Variants in WDR44 observed in about 807,000 individuals in gnomAD.
WDR44 encodes the protein WD repeat domain 44, also known as WD repeat-containing protein 44.
In WDR44, 9 loss-of-function variants were observed where a neutral mutation model predicts 65.7. The observed-to-expected ratio is 0.14, with a 90% CI of 0.08 to 0.24. The LOEUF (loss-of-function observed/expected upper bound fraction) is 0.24. Ranked by LOEUF, WDR44 falls within the 10% of genes least tolerant of loss-of-function variation. The pLI, the probability that WDR44 is intolerant of heterozygous loss-of-function variation, is 1.00. For synonymous variants in WDR44, 220 were observed against 235.2 expected, an observed-to-expected ratio of 0.94 and a Z score of 0.59; for missense variants, 425 against 670.9, an observed-to-expected ratio of 0.63 and a Z score of 4.05.
chrX:118,408,095 G>A (rs2056982715), intron 10 of WDR44, among the ~76,000 whole-genome samples: 1 of 111,904 alleles, frequency 8.9e-6, no homozygotes, highest in Admixed American at 9.5e-5. Flanking sequence ...CATCGTAGTA[G>A]GCTCCAAATG....
At chrX:118,350,532 A>T (rs1465630714) in intron 1 of WDR44, among the ~76,000 whole-genome samples, 1 of 111,780 alleles carries the variant, frequency 8.9e-6, no homozygotes, top group Non-Finnish European at 1.9e-5. Context: ...GCTTGTATTG[A>T]TAAGCTTTTG....
intron 12 of WDR44, among the ~76,000 whole-genome samples, chrX:118,419,722 A>G (rs1012628943): frequency 8.9e-6 from 1 of 111,859 alleles, no homozygotes; most frequent in Non-Finnish European, 1.9e-5. Flanking sequence ...GCATCCCATT[A>G]TGTTTAAAAT....
intron 3 of WDR44, 90 bp from the exon 4 acceptor site, chrX:118,392,542 C>T: frequency 1.3e-6 from 1 of 742,858 alleles, no homozygotes; most frequent in Non-Finnish European, 2.0e-6. Context: ...CATTGCCTGG[C>T]ACATACTAAG....
intron 1 of WDR44, among the ~76,000 whole-genome samples, chrX:118,369,760 T>C (rs1322847841): frequency 5.4e-5 from 6 of 111,939 alleles, no homozygotes; most frequent in Non-Finnish European, 1.1e-4. Flanking sequence ...GGCTACCACG[T>C]CCAGCCGAAA....
At chrX:118,382,636 T>G (rs1273536407) in intron 2 of WDR44, among the ~76,000 whole-genome samples, 1 of 90,615 alleles carries the variant, frequency 1.1e-5, no homozygotes, top group African/African-American at 4.1e-5. Context: ...GTAGATCACT[T>G]TCATACAAAT....
At chrX:118,352,352 A>ATATATATCTTTTT (rs1357425730) in intron 1 of WDR44, among the ~76,000 whole-genome samples, 1 of 14,224 alleles carries the variant, frequency 7.0e-5, no homozygotes, top group African/African-American at 3.7e-4. Flanking sequence ...ATATATATAT[A>ATATATATCTTTTT]TTTTTTTTTT....
intron 1 of WDR44, among the ~76,000 whole-genome samples, chrX:118,349,234 ATTTTCTTTTTTC>A (rs1467357637): frequency 1.0e-5 from 1 of 99,691 alleles, no homozygotes; most frequent in African/African-American, 3.7e-5. Flanking sequence ...GGTTTTCTTT[ATTTTCTTTTTTC>A]TTTTCTTTTT....
In WDR44 at chrX:118,392,629, C is replaced by T; in HGVS notation, c.187-3C>T. 8.5e-7 allele frequency: 1 copy of T among 1,177,898 alleles called. No individual in the cohort carries two copies. Among genetic ancestry groups the T allele is most frequent in the Non-Finnish European group, 1.1e-6 (1 of 877,226 alleles). Reference sequence around the variant, plus strand: ...TAAAAACTACTTTTAACCCTTTCATCAGATTATTGAAAGTATTATTGAGGA... The same window carrying T: ...TAAAAACTACTTTTAACCCTTTCATTAGATTATTGAAAGTATTATTGAGGA... On this transcript the variant is annotated splice_region_variant and splice_polypyrimidine_tract_variant and intron_variant, in intron 3 of 19. Coordinates refer to ENST00000254029, the MANE Select transcript of WDR44 (RefSeq NM_019045.5).
intron 2 of WDR44, chrX:118,386,574 A>G (rs750411249): frequency 3.6e-5 from 11 of 306,934 alleles, no homozygotes; most frequent in Non-Finnish European, 6.7e-5. Context: ...TAAGAAAACT[A>G]TTCCCTGAAT....
intron 12 of WDR44, among the ~76,000 whole-genome samples, chrX:118,412,777 G>A (rs1471587784): frequency 1.8e-5 from 2 of 111,390 alleles, no homozygotes; most frequent in Non-Finnish European, 3.8e-5. Context: ...GTTCTTTAGT[G>A]ATTTTGGTGC....
intron 12 of WDR44, among the ~76,000 whole-genome samples, chrX:118,420,046 C>T (rs181802757): frequency 3.7e-5 from 4 of 109,446 alleles, no homozygotes; most frequent in Non-Finnish European, 7.6e-5. Flanking sequence ...GCCACTCTAC[C>T]CCCACCCACA....
At chrX:118,378,034 G>A (rs2056678130) in intron 1 of WDR44, among the ~76,000 whole-genome samples, 2 of 110,251 alleles carry the variant, frequency 1.8e-5, no homozygotes, top group African/African-American at 3.3e-5. Flanking sequence ...TCGGCTCACT[G>A]AAACCTCCGC....
chrX:118,419,971 T>G (rs944531844), intron 12 of WDR44, among the ~76,000 whole-genome samples: 1 of 111,654 alleles, frequency 9.0e-6, no homozygotes, highest in Non-Finnish European at 1.9e-5. Context: ...CCTTTTTAAC[T>G]CAATCAAAAA....
intron 19 of WDR44, among the ~76,000 whole-genome samples, chrX:118,446,463 A>G (rs2057347403): frequency 8.9e-6 from 1 of 111,908 alleles, no homozygotes; most frequent in Admixed American, 9.6e-5. Flanking sequence ...CGATTGCATA[A>G]TAGTTTATTG....
chrX:118,346,175 T>G lies in WDR44; in HGVS notation c.-329T>G, dbSNP rs753543613. The G allele has an allele frequency of 3.7e-4, 113 of 302,686 alleles. 2 individuals are homozygous for G. Among genetic ancestry groups the G allele is most frequent in the African/African-American group, 2.6e-3 (94 of 36,486 alleles). The allele number at this position is 302,686 out of a possible 1,213,427, so 24.9% of individuals were successfully genotyped here. On this transcript the variant is annotated 5_prime_UTR_variant, in exon 1 of 20. Transcript: ENST00000254029. ...GCTGCGGGAGAAACTGGAGCCGCTG[T>G]AGCCGGCGCGCCCTTCTTCCCTTAC...
chrX:118,448,736 TGAAA>T (rs1175334092), intron 19 of WDR44, among the ~76,000 whole-genome samples, 153 bp from the exon 20 acceptor site: 1 of 111,394 alleles, frequency 9.0e-6, no homozygotes, highest in Non-Finnish European at 1.9e-5. Context: ...TTCAGCAGAA[TGAAA>T]GAATTACAGG....
In WDR44 at chrX:118,392,923, A is replaced by G; in HGVS notation, c.478A>G (p.Thr160Ala). ...AGATGAAACCACGAAGTTAACTCAAACAAGTTCAACTGAGCAGCTTAATGT... is the reference window on the plus strand; with the variant it reads ...AGATGAAACCACGAAGTTAACTCAAGCAAGTTCAACTGAGCAGCTTAATGT... Reference protein sequence around the residue: ...PVDETTKLTQTSSTEQLNVLE... With the variant: ...PVDETTKLTQASSTEQLNVLE... Residue 160 changes from threonine to alanine, a missense_variant, in exon 4 of 20, where the codon ACA (threonine) becomes GCA (alanine). Thr to Ala is a moderately conservative substitution (Grantham distance 58). Coordinates refer to ENST00000254029, the MANE Select transcript of WDR44 (RefSeq NM_019045.5). 8.2e-7 allele frequency: 1 copy of G among 1,212,526 alleles called. No homozygotes were observed. The highest frequency in any genetic ancestry group is 1.1e-6 in the Non-Finnish European group (1 of 895,705).
chrX:118,399,016 A>G (rs2056890213), intron 8 of WDR44, among the ~76,000 whole-genome samples: 1 of 112,256 alleles, frequency 8.9e-6, no homozygotes, highest in Non-Finnish European at 1.9e-5. Flanking sequence ...GAAAAGTGTT[A>G]GTAGAAGAAC....
At chrX:118,437,148 G>A (rs1162097498) in intron 14 of WDR44, among the ~76,000 whole-genome samples, 1 of 111,257 alleles carries the variant, frequency 9.0e-6, no homozygotes, top group Non-Finnish European at 1.9e-5. Context: ...AGAAAGGGAA[G>A]TACCTAGGCA....
Sources: gnomAD v4.1 joint callset for allele counts (sites outside exome capture counted in the v4.1 genomes callset) on GRCh38, gnomAD v4.1.1 for gene constraint, MANE v1.5 for transcripts, NCBI Gene and HGNC (gene_info 2026-07-23, HGNC 2026-07-21) for gene names.